The following TTC14 variants were observed in gnomAD, a reference collection of about 807,000 sequenced individuals.
TTC14 encodes tetratricopeptide repeat protein 14.
A neutral mutation model predicts 79.9 loss-of-function variants in TTC14; 63 were observed. That is an observed-to-expected ratio of 0.79 (90% CI 0.64 to 0.97). The LOEUF (loss-of-function observed/expected upper bound fraction) is 0.97. Ranked by LOEUF, TTC14 falls within the 50% of genes least tolerant of loss-of-function variation. The probability of loss-of-function intolerance (pLI) is 0.00; values close to 1 mark genes in which losing one functional copy is unlikely to be tolerated. For missense variants in TTC14, 895 were observed against 894.0 expected (o/e 1.00, Z -0.01); for synonymous variants, 335 against 309.6 (o/e 1.08, Z -0.86).
At chr3:180,604,656 G>A (rs1716577139) in intron 5 of TTC14, 49 bp downstream of exon 5, 1 of 1,554,754 alleles carries the variant, frequency 6.4e-7, no homozygotes, top group Non-Finnish European at 8.7e-7. Flanking sequence ...AAAGTCTCTT[G>A]GATTGAGGAA....
rs1299970196 is a variant in TTC14, at chr3:180,610,506, A to G, written c.2277A>G (p.Glu759=). ...NLLNIFNQIA[E]FEKEKGNKSK... is the part of the protein sequence containing the mutation. Reference sequence around the variant, plus strand: ...TGAATATATTTAATCAGATAGCTGAATTTGAAAAAGAAAAAGGAAATAAGT... The same window carrying G: ...TGAATATATTTAATCAGATAGCTGAGTTTGAAAAAGAAAAAGGAAATAAGT... Residue 759 remains glutamate (E), a synonymous_variant, in exon 12 of 12, where the codon GAA becomes GAG. Coordinates refer to ENST00000296015, the MANE Select transcript of TTC14 (RefSeq NM_133462.4). 6.3e-7 allele frequency: 1 copy of G among 1,580,416 alleles called. No individual in the cohort carries two copies. Among genetic ancestry groups the G allele is most frequent in the Non-Finnish European group, 8.5e-7 (1 of 1,169,744 alleles).
Position 180,607,764 on chromosome 3 carries a change from A to G in TTC14, c.1289A>G (p.Gln430Arg). The G allele has an allele frequency of 6.2e-7, 1 of 1,605,644 alleles. No individual in the cohort carries two copies. Among genetic ancestry groups the G allele is most frequent in the Non-Finnish European group, 8.5e-7 (1 of 1,177,616 alleles). Residue 430 changes from glutamine to arginine, a missense_variant and splice_region_variant, in exon 10 of 12, where the codon CAG becomes CGG. Physicochemically the swap from Gln to Arg is conservative, Grantham distance 43. Coordinates refer to ENST00000296015, the MANE Select transcript of TTC14 (RefSeq NM_133462.4). ...TTGCAGAAACTTCATAAATATATGC[A>G]GGTGATTCCTTATTTCCTCTTAGAA... ...DALQKLHKYM[Q>R]KSLELREKQA...
Position 180,604,853 on chromosome 3 carries a change from A to T in TTC14, c.703A>T (p.Arg235Ter). The change falls in exon 6 of 12, where the codon AGA becomes TGA. Residue 235 changes from arginine (R) to a stop codon, truncating the protein, a stop_gained and splice_region_variant. Coordinates refer to ENST00000296015, the MANE Select transcript of TTC14 (RefSeq NM_133462.4). LOFTEE classifies it high-confidence loss of function. ...SSEELPLYYR[R>*]SVELNSNSLE... ...TTTTTGTGTTTGTATTTTTTTAAGG[A>T]GAAGTGTTGAGCTAAATAGCAATTC... 6.3e-7 allele frequency: 1 copy of T among 1,597,092 alleles called. No homozygotes were observed. The highest frequency in any genetic ancestry group is 1.8e-5 in the Admixed American group (1 of 54,726).
rs776666710 is a variant in TTC14, at chr3:180,604,849, AAGG to A, written c.702_704del (p.Arg235del). The A allele has an allele frequency of 3.1e-6, 5 of 1,590,416 alleles. No individual in the cohort carries two copies. Among genetic ancestry groups the A allele is most frequent in the East Asian group, 2.2e-5 (1 of 44,714 alleles). On this transcript the variant is annotated splice_acceptor_variant and coding_sequence_variant, in exon 6 of 12. Transcript: ENST00000296015. LOFTEE classifies it high-confidence loss of function. ...ACAATTTTTGTGTTTGTATTTTTTT[AAGG>A]AGAAGTGTTGAGCTAAATAGCAATT...
chr3:180,617,254 TG>T, intron 12 of TTC14: 1 of 472,788 alleles, frequency 2.1e-6, no homozygotes. Context: ...TAAACAAACC[TG>T]CATTGCCAGT....
intron 12 of TTC14, chr3:180,617,298 A>G (rs939331914): frequency 1.5e-5 from 7 of 469,378 alleles, no homozygotes; most frequent in Non-Finnish European, 2.6e-5. Flanking sequence ...AATTATGTAC[A>G]GTGCATAATA....
At position 180,603,003 on chromosome 3, in the gene TTC14, G is replaced by A. The variant is rs1276652122; in HGVS notation, c.274G>A (p.Glu92Lys). 2 of 1,613,452 alleles carry A rather than the reference G, an allele frequency of 1.2e-6. No individual in the cohort carries two copies. Among genetic ancestry groups the A allele is most frequent in the East Asian group, 2.2e-5 (1 of 44,856 alleles). The change falls in exon 2 of 12, where the codon GAA (glutamate) becomes AAA (lysine). Residue 92 changes from glutamate to lysine, a missense_variant. Physicochemically the swap from Glu to Lys is moderately conservative, Grantham distance 56 (BLOSUM62 1). Coordinates refer to ENST00000296015, the MANE Select transcript of TTC14 (RefSeq NM_133462.4). ...SDAPATSEIN[E>K]DSEDHYAIMP... Reference sequence around the variant, plus strand: ...TGCACCTGCAACTTCTGAAATTAATGAAGACAGTGAAGGTCAGTTTAGCCT... The same window carrying A: ...TGCACCTGCAACTTCTGAAATTAATAAAGACAGTGAAGGTCAGTTTAGCCT...
At position 180,611,121 on chromosome 3, in the gene TTC14, T is replaced by G. The variant is rs757457159; in HGVS notation, c.*579T>G. 34 of 985,364 alleles carry G rather than the reference T, an allele frequency of 3.5e-5. No homozygotes were observed. The highest frequency in any genetic ancestry group is 5.2e-5 in the African/African-American group (3 of 57,360). 61.0% of individuals were successfully genotyped at this position (985,364 alleles called of 1,614,324 possible). A position where few individuals can be genotyped will look rare whatever the true frequency, so the allele number is the denominator to read the frequency against. On this transcript the variant is annotated 3_prime_UTR_variant, in exon 12 of 12. Coordinates refer to ENST00000296015, the MANE Select transcript of TTC14 (RefSeq NM_133462.4). ...GCCCAATTTGATTAAAAGTGGTTTG[T>G]GAACAGTCATTGGCTTCCACCCAGC...
chr3:180,616,363 T>A (rs1250466953), intron 12 of TTC14: 1 of 1,609,446 alleles, frequency 6.2e-7, no homozygotes, highest in Non-Finnish European at 8.5e-7. Context: ...TCTAACCCAC[T>A]CTGGAGGAAT....
Position 180,610,320 on chromosome 3 carries a change from T to A in TTC14, c.2091T>A (p.Ser697Arg), listed in dbSNP as rs749604501. The change falls in exon 12 of 12, where the codon AGT (serine) becomes AGA (arginine). Residue 697 changes from serine to arginine, a missense_variant. Ser to Arg is a moderately radical substitution (Grantham distance 110). Coordinates refer to ENST00000296015, the MANE Select transcript of TTC14 (RefSeq NM_133462.4). ...KYAHSGSRDF[S>R]RHEQRYRLNT... ...CTCACTCTGGATCACGTGATTTCAG[T>A]AGACATGAGCAAAGATACCGTTTAA... The A allele has an allele frequency of 6.2e-7, 1 of 1,613,222 alleles. No homozygotes were observed. Among genetic ancestry groups the A allele is most frequent in the South Asian group, 1.1e-5 (1 of 90,940 alleles).
chr3:180,607,220 A>G (rs1716746370), intron 9 of TTC14, among the ~76,000 whole-genome samples: 1 of 152,182 alleles, frequency 6.6e-6, no homozygotes, highest in Non-Finnish European at 1.5e-5. Flanking sequence ...TGTGAAATTC[A>G]TCTAATGATT....
chr3:180,604,127 A>G (rs759842645), intron 3 of TTC14, 98 bp from the exon 4 acceptor site: 4 of 1,009,356 alleles, frequency 4.0e-6, no homozygotes, highest in Admixed American at 1.9e-5. Flanking sequence ...AGGTTGTTCA[A>G]CTACTAGCTG....
rs1220365660 is a variant in TTC14 at position 180,602,668 on chromosome 3, G to A, written c.162-223G>A. ...CAGATTCCTTAGCTAAAAATCCCTT[G>A]AGCTTTCCTATCTGAGTTGGAGGCG... On this transcript the variant is annotated intron_variant, in intron 1 of 11. Transcript: ENST00000296015. 4.2e-6 allele frequency: 3 copies of A among 709,192 alleles called. No individual in the cohort carries two copies. In the Admixed American group the frequency reaches 9.8e-5, roughly 23 times the overall value. 43.9% of individuals were successfully genotyped at this position (709,192 alleles called of 1,614,324 possible).
intron 10 of TTC14, 32 bp from the exon 11 acceptor site, chr3:180,608,667 CGT>C: frequency 1.4e-6 from 2 of 1,464,190 alleles, no homozygotes; most frequent in Non-Finnish European, 1.8e-6. Context: ...CTATTTTTAA[CGT>C]GTGGTTTTTT....
rs1482007651 is a variant in TTC14 at position 180,608,773 on chromosome 3, G to A, written c.1363G>A (p.Ala455Thr). 6.4e-7 allele frequency: 1 copy of A among 1,561,148 alleles called. No individual in the cohort carries two copies. Among genetic ancestry groups the A allele is most frequent in the Admixed American group, 2.1e-5 (1 of 48,424 alleles). ...KQKTKKIETS[A>T]EKLRKLLKEE... ...GAAAACAAAGAAAATAGAAACAAGT[G>A]CAGAAAAGTTGCGTAAGCTCTTAAA... The change falls in exon 11 of 12, where the codon GCA (alanine) becomes ACA (threonine). Residue 455 changes from alanine to threonine, a missense_variant. Transcript: ENST00000296015.
rs764519035 is a variant in TTC14 at position 180,603,233 on chromosome 3, A to C, written c.396A>C (p.Arg132Ser). Residue 132 changes from arginine to serine, a missense_variant, in exon 3 of 12, where the codon AGA (arginine) becomes AGC (serine). By Grantham distance (110) the Arg-to-Ser change is moderately radical. Transcript: ENST00000296015. Reference protein sequence around the residue: ...DIERGDIVIGRISSIREFGFF... With the variant: ...DIERGDIVIGSISSIREFGFF... ...AGCGTGGTGATATAGTGATTGGAAG[A>C]ATTAGTTCTATTCGGGAATTCGGTT... is the stretch of plus-strand genomic sequence containing the variant. The C allele has an allele frequency of 4.3e-6, 7 of 1,614,144 alleles. No individual in the cohort carries two copies. The South Asian group carries it at 6.6e-5, about 15-fold the overall frequency.
At chr3:180,608,237 A>G in intron 10 of TTC14, 1 of 990,706 alleles carries the variant, frequency 1.0e-6, no homozygotes, top group Non-Finnish European at 1.2e-6. Context: ...CTATGTAATC[A>G]TGCATCCAAC....
At chr3:180,616,959 T>G in intron 12 of TTC14, 1 of 1,376,288 alleles carries the variant, frequency 7.3e-7, no homozygotes, top group Non-Finnish European at 9.9e-7. Flanking sequence ...TAATGTATTT[T>G]CCATGCTCTG....
chr3:180,602,837 G>A, intron 1 of TTC14, 54 bp from the exon 2 acceptor site: 1 of 1,562,258 alleles, frequency 6.4e-7, no homozygotes, highest in South Asian at 1.2e-5. Context: ...AAGGTTAGAA[G>A]TAAAGAGGCT....
Sources: allele counts gnomAD v4.1 joint callset (sites outside exome capture counted in the v4.1 genomes callset), GRCh38; gene constraint gnomAD v4.1.1; transcripts MANE v1.5; gene names NCBI Gene and HGNC (gene_info 2026-07-23, HGNC 2026-07-21).